The following CCDC63 variants were observed in gnomAD, a reference collection of about 807,000 sequenced individuals.
The protein encoded by CCDC63 is coiled-coil domain containing 63, also known as coiled-coil domain-containing protein 63.
Under a neutral mutation model 63.6 loss-of-function variants are expected in CCDC63, and 54 were observed. That is an observed-to-expected ratio of 0.85 (90% CI 0.68 to 1.07). The LOEUF is 1.07. Ranked by LOEUF, CCDC63 falls within the 50% of genes least tolerant of loss-of-function variation. The pLI, the probability that CCDC63 is intolerant of heterozygous loss-of-function variation, is 0.00. For synonymous variants in CCDC63, 253 were observed against 266.1 expected, an observed-to-expected ratio of 0.95 and a Z score of 0.48; for missense variants, 637 against 689.6, an observed-to-expected ratio of 0.92 and a Z score of 0.86.
At chr12:110,887,604 G>A (rs1299054856) in intron 8 of CCDC63, among the ~76,000 whole-genome samples, 1 of 152,030 alleles carries the variant, frequency 6.6e-6, no homozygotes, top group Non-Finnish European at 1.5e-5. Flanking sequence ...TGGCACCTTT[G>A]CTCAGACTAA....
intron 11 of CCDC63, among the ~76,000 whole-genome samples, chr12:110,906,661 T>C (rs1377542324): frequency 6.6e-6 from 1 of 151,670 alleles, no homozygotes; most frequent in Non-Finnish European, 1.5e-5. Context: ...ACACAACACA[T>C]GCACACACAC....
intron 5 of CCDC63, among the ~76,000 whole-genome samples, chr12:110,878,549 A>G (rs893157671): frequency 2.0e-5 from 3 of 152,180 alleles, no homozygotes; most frequent in African/African-American, 7.2e-5. Context: ...TCCTGACCTC[A>G]GGTGATCCAC....
rs754851672 is a variant in CCDC63 at position 110,881,210 on chromosome 12, A to G, written c.767A>G (p.Tyr256Cys). The G allele has an allele frequency of 3.7e-6, 6 of 1,613,866 alleles. No homozygotes were observed. The Admixed American group carries it at 5.0e-5, about 13-fold the overall frequency. Residue 256 changes from tyrosine (Y) to cysteine (C), a missense_variant, in exon 7 of 12, where the codon TAT (tyrosine) becomes TGT (cysteine). Tyr to Cys is a radical substitution (Grantham distance 194). Transcript: ENST00000308208. Reference sequence around the variant, plus strand: ...GAGATCCGAGAGCTGGAGCGTCTCTATGCCCATGAGAGCAAGCTCAAGTCC... The same window carrying G: ...GAGATCCGAGAGCTGGAGCGTCTCTGTGCCCATGAGAGCAAGCTCAAGTCC... ...NLEIRELERL[Y>C]AHESKLKSFL...
chr12:110,873,815 G>C (rs1490666109), intron 4 of CCDC63, 27 bp from the exon 5 acceptor site: 1 of 1,610,256 alleles, frequency 6.2e-7, no homozygotes, highest in Admixed American at 1.7e-5. Context: ...AACACAGCTG[G>C]AATTTCTCTC....
chr12:110,887,369 G>A (rs1295491088), intron 8 of CCDC63, among the ~76,000 whole-genome samples: 4 of 151,822 alleles, frequency 2.6e-5, no homozygotes, highest in African/African-American at 9.7e-5. Context: ...CAGGTGATCC[G>A]CCTGCCTCGG....
At chr12:110,850,912 A>G (rs946567939) in intron 1 of CCDC63, among the ~76,000 whole-genome samples, 15 of 152,196 alleles carry the variant, frequency 9.9e-5, no homozygotes, top group Non-Finnish European at 5.9e-5. Flanking sequence ...CTCTCTGCCC[A>G]GAATACGCCC....
chr12:110,849,254 C>G (rs971304761), intron 1 of CCDC63, among the ~76,000 whole-genome samples: 1 of 152,226 alleles, frequency 6.6e-6, no homozygotes, highest in Non-Finnish European at 1.5e-5. Context: ...CCTTAAACAA[C>G]AGTGACTCTT....
chr12:110,853,015 T>C (rs768512908), intron 2 of CCDC63, 52 bp downstream of exon 2: 43 of 1,581,832 alleles, frequency 2.7e-5, no homozygotes, highest in Non-Finnish European at 3.5e-5. Flanking sequence ...GGTCAGGCAC[T>C]GTGCCATCCA....
intron 4 of CCDC63, among the ~76,000 whole-genome samples, chr12:110,870,148 TC>T (rs540938639): frequency 7.7e-4 from 118 of 152,320 alleles, no homozygotes; most frequent in African/African-American, 2.7e-3. Context: ...AATGGCATGA[TC>T]TCGGCTCACT....
intron 4 of CCDC63, among the ~76,000 whole-genome samples, chr12:110,860,469 G>C (rs977525354): frequency 6.6e-6 from 1 of 152,166 alleles, no homozygotes; most frequent in Non-Finnish European, 1.5e-5. Context: ...CCGCAACCCC[G>C]TGCCTGTCCC....
chr12:110,855,815 A>T (rs148200037), intron 3 of CCDC63, among the ~76,000 whole-genome samples: 1,849 of 152,276 alleles, frequency 0.012, 41 homozygotes, highest in African/African-American at 0.041. Flanking sequence ...TCCTGACCTC[A>T]GGTGATCCAC....
chr12:110,872,259 G>A (rs2071077217), intron 4 of CCDC63, among the ~76,000 whole-genome samples: 1 of 152,180 alleles, frequency 6.6e-6, no homozygotes, highest in South Asian at 2.1e-4. Flanking sequence ...AAATGAATGG[G>A]CATGGCTGGA....
chr12:110,895,818 T>C (rs10849915), intron 9 of CCDC63, among the ~76,000 whole-genome samples: 58,409 of 152,106 alleles, frequency 0.38, 11,976 homozygotes, highest in African/African-American at 0.52. Context: ...TGTTATCATG[T>C]GAGCCAGAAA....
chr12:110,865,206 C>G (rs2070927065), intron 4 of CCDC63, among the ~76,000 whole-genome samples: 1 of 152,164 alleles, frequency 6.6e-6, no homozygotes, highest in Non-Finnish European at 1.5e-5. Flanking sequence ...CTACCACAGT[C>G]CTGGGTGCCA....
chr12:110,858,042 G>T (rs1291829420), intron 3 of CCDC63, among the ~76,000 whole-genome samples: 1 of 151,718 alleles, frequency 6.6e-6, no homozygotes. Context: ...GAAAGTGGAG[G>T]TTGCAGTGAG....
chr12:110,867,289 T>A (rs2136670230), intron 4 of CCDC63, among the ~76,000 whole-genome samples: 2 of 75,618 alleles, frequency 2.6e-5, no homozygotes, highest in Non-Finnish European at 5.1e-5. Context: ...CACTTCCCAG[T>A]AGGGGCGGCC....
rs149841694 is a variant in CCDC63, at chr12:110,884,198, C to T, written c.1022C>T (p.Thr341Met). ...AATTTTGCTCGGTTCACGTATGTCA[C>T]GGAGCTCAACAACGACATGGAGATG... ...EKNFARFTYVTELNNDMEMMH... is the reference protein window; with the variant it reads ...EKNFARFTYVMELNNDMEMMH... Residue 341 changes from threonine (T) to methionine (M), a missense_variant, in exon 8 of 12, where the codon ACG (threonine) becomes ATG (methionine). Coordinates refer to ENST00000308208, the MANE Select transcript of CCDC63 (RefSeq NM_152591.3). 172 of 1,614,082 alleles carry T rather than the reference C, an allele frequency of 1.1e-4. No individual in the cohort carries two copies. The African/African-American group carries it at 1.1e-3, about 10-fold the overall frequency.
At position 110,879,960 on chromosome 12, in the gene CCDC63, ATT is replaced by A. The variant is rs867887441; in HGVS notation, c.545_546del (p.Ile182ArgfsTer6). 2 of 1,614,132 alleles carry A rather than the reference ATT, an allele frequency of 1.2e-6. No homozygotes were observed. The highest frequency in any genetic ancestry group is 1.7e-6 in the Non-Finnish European group (2 of 1,180,010). Reference protein sequence around the residue: ...LTTNAKLRKEIEDLRFEKAAY... With the variant: ...LTTNAKLRKEXEDLRFEKAAY... ...CACTAATGCCAAGCTCCGGAAGGAGATTGAAGACCTACGATTTGAGAAGGCTG... is the reference window on the plus strand; with the variant it reads ...CACTAATGCCAAGCTCCGGAAGGAGAGAAGACCTACGATTTGAGAAGGCTG... On this transcript the variant is annotated frameshift_variant, in exon 6 of 12. Transcript: ENST00000308208. LOFTEE classifies it high-confidence loss of function.
chr12:110,886,381 G>A (rs1410807700), intron 8 of CCDC63, among the ~76,000 whole-genome samples: 2 of 151,526 alleles, frequency 1.3e-5, no homozygotes, highest in African/African-American at 2.4e-5. Flanking sequence ...GGGAGACTTC[G>A]TCTCAAAAAA....
Sources: allele counts gnomAD v4.1 joint callset (sites outside exome capture counted in the v4.1 genomes callset), GRCh38; gene constraint gnomAD v4.1.1; transcripts MANE v1.5; gene names NCBI Gene and HGNC (gene_info 2026-07-23, HGNC 2026-07-21).